The following TRDN variants were observed in gnomAD, a reference collection of about 807,000 sequenced individuals.
TRDN encodes the protein triadin in skeletal muscle.
A neutral mutation model predicts 149.7 loss-of-function variants in TRDN; 161 were observed. That is an observed-to-expected ratio of 1.08 (90% CI 0.95 to 1.23). TRDN has a LOEUF of 1.23. Ranked by LOEUF, TRDN falls within the 50% of genes most tolerant of loss-of-function variation. TRDN has a pLI of 0.00. For missense variants in TRDN, 896 were observed against 823.5 expected, an observed-to-expected ratio of 1.09 and a Z score of -1.08; for synonymous variants, 294 against 250.5, an observed-to-expected ratio of 1.17 and a Z score of -1.64.
intron 4 of TRDN, among the ~76,000 whole-genome samples, chr6:123,531,480 GC>G (rs1044743120): frequency 6.6e-6 from 1 of 151,898 alleles, no homozygotes; most frequent in Admixed American, 6.6e-5. Flanking sequence ...ATCAACCATG[GC>G]AACACCCTAA....
chr6:123,324,115 T>A (rs1022548954), intron 23 of TRDN, among the ~76,000 whole-genome samples: 2 of 152,176 alleles, frequency 1.3e-5, no homozygotes, highest in African/African-American at 4.8e-5. Context: ...CAAGCAGGCA[T>A]TCCTTAGTTT....
At chr6:123,467,184 G>C (rs1466745256) in intron 9 of TRDN, among the ~76,000 whole-genome samples, 3 of 151,916 alleles carry the variant, frequency 2.0e-5, no homozygotes, top group African/African-American at 7.3e-5. Context: ...TGTGTTGAAG[G>C]AAAATCGTAT....
intron 40 of TRDN, among the ~76,000 whole-genome samples, chr6:123,219,303 A>T (rs1012763154): frequency 6.6e-6 from 1 of 151,848 alleles, no homozygotes; most frequent in Non-Finnish European, 1.5e-5. Flanking sequence ...AAAGCAAAAC[A>T]GGAAAGTTAA....
intron 39 of TRDN, among the ~76,000 whole-genome samples, chr6:123,223,600 C>T (rs937761909): frequency 1.3e-5 from 2 of 151,720 alleles, no homozygotes; most frequent in South Asian, 2.1e-4. Context: ...ATCTGGAGAT[C>T]GCAGGTTTTC....
At chr6:123,388,967 A>C (rs904622733) in intron 13 of TRDN, among the ~76,000 whole-genome samples, 1 of 152,192 alleles carries the variant, frequency 6.6e-6, no homozygotes, top group Non-Finnish European at 1.5e-5. Flanking sequence ...GAGGAATTAT[A>C]TACTAGTCTG....
At position 123,331,927 on chromosome 6, in the gene TRDN, G is replaced by C; in HGVS notation, c.1423C>G (p.Pro475Ala). The change falls in exon 23 of 41, where the codon CCT (proline) becomes GCT (alanine). Residue 475 changes from proline (P) to alanine (A), a missense_variant and splice_region_variant. Physicochemically the swap from Pro to Ala is conservative, Grantham distance 27 (BLOSUM62 -1). Transcript: ENST00000334268. ...KTSSILKDKE[P>A]IKGKEEKVPA... Reference sequence around the variant, plus strand: ...ACTTTCTCTTCTTTCCCTTTAATAGGTTCTGAAAAGAAACATCGGACATTT... The same window carrying C: ...ACTTTCTCTTCTTTCCCTTTAATAGCTTCTGAAAAGAAACATCGGACATTT... 4.6e-6 allele frequency: 7 copies of C among 1,538,182 alleles called. No homozygotes were observed. In the South Asian group the frequency reaches 7.5e-5, roughly 16 times the overall value.
Position 123,504,349 on chromosome 6 carries a change from G to A in TRDN, c.611-448C>T, listed in dbSNP as rs534943500. Reference sequence around the variant, plus strand: ...TTGCTTGATAACTGAAAGATCTTAAGGGTCATTCAAGAAACTGAAATGCCA... The same window carrying A: ...TTGCTTGATAACTGAAAGATCTTAAAGGTCATTCAAGAAACTGAAATGCCA... On this transcript the variant is annotated intron_variant, in intron 7 of 40. Coordinates refer to ENST00000334268, the MANE Select transcript of TRDN (RefSeq NM_006073.4). Among the ~76,000 whole-genome samples, 61 of 152,086 alleles carry A rather than the reference G, an allele frequency of 4.0e-4. No homozygotes were observed. The East Asian group carries it at 6.6e-3, about 17-fold the overall frequency.
At chr6:123,591,963 T>C (rs1403026002) in intron 1 of TRDN, among the ~76,000 whole-genome samples, 1 of 152,162 alleles carries the variant, frequency 6.6e-6, no homozygotes, top group African/African-American at 2.4e-5. Flanking sequence ...TGGGGACAAG[T>C]ATTCTTTTCC....
intron 8 of TRDN, chr6:123,502,247 G>A (rs551719461): frequency 2.5e-4 from 243 of 965,924 alleles, no homozygotes; most frequent in African/African-American, 9.0e-4. Flanking sequence ...TATATTCAAC[G>A]TATTTTCTCT....
At chr6:123,631,424 T>C (rs73773204) in intron 1 of TRDN, among the ~76,000 whole-genome samples, 25,564 of 151,894 alleles carry the variant, frequency 0.17, 4,489 homozygotes, top group African/African-American at 0.45. Context: ...CTCTAATTAA[T>C]GTTACCAATA....
Position 123,393,512 on chromosome 6 carries a change from C to T in TRDN, c.1105+112G>A, listed in dbSNP as rs73771941. The T allele has an allele frequency of 0.12, 105,551 of 885,388 alleles. 6,895 individuals carry two copies. Among genetic ancestry groups the T allele is most frequent in the African/African-American group, 0.21 (11,738 of 56,838 alleles). 54.8% of individuals were successfully genotyped at this position (885,388 alleles called of 1,614,324 possible). A position where few individuals can be genotyped will look rare whatever the true frequency, so the allele number is the denominator to read the frequency against. On this transcript the variant is annotated intron_variant, in intron 13 of 40. Coordinates refer to ENST00000334268, the MANE Select transcript of TRDN (RefSeq NM_006073.4). ...TTTTCATTCAACAATATTTTTTTTGCAATATCCCAGCAGATGGTGCTATTC... is the reference window on the plus strand; with the variant it reads ...TTTTCATTCAACAATATTTTTTTTGTAATATCCCAGCAGATGGTGCTATTC...
intron 12 of TRDN, among the ~76,000 whole-genome samples, chr6:123,422,275 G>C (rs1474341996): frequency 1.3e-5 from 2 of 152,082 alleles, no homozygotes; most frequent in Non-Finnish European, 2.9e-5. Flanking sequence ...TGTTACCCAA[G>C]TTTGGCCAAT....
intron 9 of TRDN, among the ~76,000 whole-genome samples, chr6:123,481,978 T>A (rs1237416035): frequency 6.6e-6 from 1 of 152,218 alleles, no homozygotes; most frequent in Non-Finnish European, 1.5e-5. Context: ...ATCACTCTGT[T>A]AAACTATTTC....
At chr6:123,438,545 AAT>A (rs1046917335) in intron 11 of TRDN, among the ~76,000 whole-genome samples, 3 of 151,804 alleles carry the variant, frequency 2.0e-5, no homozygotes, top group Admixed American at 6.6e-5. Flanking sequence ...AACCAATTAA[AAT>A]ATATATATAT....
intron 38 of TRDN, among the ~76,000 whole-genome samples, chr6:123,245,368 ACATAGGCT>A: frequency 6.6e-6 from 1 of 152,228 alleles, no homozygotes; most frequent in South Asian, 2.1e-4. Flanking sequence ...GCAAATACAC[ACATAGGCT>A]CAAAATAAAG....
chr6:123,580,490 A>C (rs757231358), intron 1 of TRDN, among the ~76,000 whole-genome samples: 2 of 152,118 alleles, frequency 1.3e-5, no homozygotes, highest in Non-Finnish European at 2.9e-5. Flanking sequence ...TCACCTGCAT[A>C]TTTTTCTTGT....
chr6:123,373,429 C>A (rs1156769326), intron 19 of TRDN, among the ~76,000 whole-genome samples: 1 of 152,094 alleles, frequency 6.6e-6, no homozygotes, highest in Non-Finnish European at 1.5e-5. Context: ...GTAAATTGCC[C>A]AGTGTGGGAT....
chr6:123,414,683 G>A (rs1036495519), intron 12 of TRDN, among the ~76,000 whole-genome samples: 2 of 152,004 alleles, frequency 1.3e-5, no homozygotes, highest in Non-Finnish European at 2.9e-5. Flanking sequence ...TTACATTTTA[G>A]GGGAAAAACC....
At chr6:123,562,678 AGGGTAGGAT>A (rs1782064943) in intron 2 of TRDN, among the ~76,000 whole-genome samples, 1 of 152,228 alleles carries the variant, frequency 6.6e-6, no homozygotes, top group Non-Finnish European at 1.5e-5. Flanking sequence ...AATAAAATAA[AGGGTAGGAT>A]GCAAAACTCC....
Sources: allele counts gnomAD v4.1 joint callset (sites outside exome capture counted in the v4.1 genomes callset), GRCh38; gene constraint gnomAD v4.1.1; transcripts MANE v1.5; gene names NCBI Gene and HGNC (gene_info 2026-07-23, HGNC 2026-07-21).